SLC39A12: variants seen among roughly 807,000 people sequenced by gnomAD.
SLC39A12 encodes solute carrier family 39 member 12, also known as zinc transporter ZIP12.
In SLC39A12, 63 loss-of-function variants were observed where a neutral mutation model predicts 71.1. That is an observed-to-expected ratio of 0.89 (90% CI 0.72 to 1.09). The LOEUF is 1.09. Ranked by LOEUF, SLC39A12 falls within the 50% of genes least tolerant of loss-of-function variation. The pLI is 0.00. For synonymous variants in SLC39A12, 351 were observed against 301.3 expected, an observed-to-expected ratio of 1.16 and a Z score of -1.71; for missense variants, 892 against 812.6, an observed-to-expected ratio of 1.10 and a Z score of -1.19.
chr10:18,023,893 C>T (rs1311733627), intron 12 of SLC39A12, among the ~76,000 whole-genome samples: 1 of 152,142 alleles, frequency 6.6e-6, no homozygotes, highest in Non-Finnish European at 1.5e-5. Context: ...TGAGGAGTAG[C>T]AGGGACAGGG....
At chr10:17,983,381 G>T (rs1016194546) in intron 6 of SLC39A12, among the ~76,000 whole-genome samples, 1 of 151,918 alleles carries the variant, frequency 6.6e-6, no homozygotes, top group Non-Finnish European at 1.5e-5. Flanking sequence ...TCAGATACTT[G>T]GGGGGCTGAG....
chr10:18,034,191 A>G (rs953661295), intron 12 of SLC39A12, among the ~76,000 whole-genome samples: 4 of 151,910 alleles, frequency 2.6e-5, no homozygotes, highest in African/African-American at 9.7e-5. Context: ...GCTGAGTTCA[A>G]TTCCTGGGTA....
chr10:17,962,601 A>G (rs576032923), intron 3 of SLC39A12, among the ~76,000 whole-genome samples: 1 of 151,662 alleles, frequency 6.6e-6, no homozygotes, highest in South Asian at 2.1e-4. Context: ...CATTTTGAAG[A>G]GTATGGGGAA....
intron 3 of SLC39A12, among the ~76,000 whole-genome samples, chr10:17,963,172 A>C (rs2130781572): frequency 6.6e-6 from 1 of 152,180 alleles, no homozygotes; most frequent in South Asian, 2.1e-4. Flanking sequence ...AAAAGAAGAA[A>C]AGCAGGAAAA....
At chr10:18,019,358 A>C (rs576211748) in intron 12 of SLC39A12, among the ~76,000 whole-genome samples, 2 of 151,858 alleles carry the variant, frequency 1.3e-5, no homozygotes, top group Non-Finnish European at 2.9e-5. Flanking sequence ...GCTTTGTCGA[A>C]TTTCTGTATT....
At chr10:17,967,797 G>A (rs891383051) in intron 4 of SLC39A12, among the ~76,000 whole-genome samples, 1 of 150,924 alleles carries the variant, frequency 6.6e-6, no homozygotes, top group Non-Finnish European at 1.5e-5. Context: ...TGAGGCAGGA[G>A]AATGGTGTGA....
intron 4 of SLC39A12, 118 bp from the exon 5 acceptor site, chr10:17,977,784 G>A (rs1203267711): frequency 3.9e-6 from 3 of 764,346 alleles, no homozygotes; most frequent in East Asian, 5.9e-5. Context: ...CATCTCTAGG[G>A]CTTAAAAAAT....
At chr10:17,987,914 C>A (rs1226760741) in intron 7 of SLC39A12, among the ~76,000 whole-genome samples, 1 of 152,176 alleles carries the variant, frequency 6.6e-6, no homozygotes, top group Non-Finnish European at 1.5e-5. Flanking sequence ...TGGCTCACAC[C>A]TGTAATCCCA....
At chr10:18,000,339 G>T (rs1316812507) in intron 10 of SLC39A12, among the ~76,000 whole-genome samples, 3 of 152,144 alleles carry the variant, frequency 2.0e-5, no homozygotes, top group Non-Finnish European at 4.4e-5. Context: ...AAGACAGACG[G>T]GAAGGTCATC....
chr10:17,980,634 A>G (rs760697003), intron 5 of SLC39A12, among the ~76,000 whole-genome samples: 1 of 152,124 alleles, frequency 6.6e-6, no homozygotes, highest in Non-Finnish European at 1.5e-5. Flanking sequence ...CTTCTCTCTC[A>G]TAAATATGCC....
chr10:18,021,360 A>T (rs1836527677), intron 12 of SLC39A12, among the ~76,000 whole-genome samples: 1 of 151,946 alleles, frequency 6.6e-6, no homozygotes, highest in Non-Finnish European at 1.5e-5. Context: ...TTTTATCATT[A>T]TGTAATGCCC....
At chr10:18,011,169 A>C (rs961537199) in intron 12 of SLC39A12, among the ~76,000 whole-genome samples, 20 of 151,958 alleles carry the variant, frequency 1.3e-4, no homozygotes, top group Non-Finnish European at 2.9e-4. Context: ...AACTTACTGC[A>C]GCCTCTGCCT....
intron 4 of SLC39A12, among the ~76,000 whole-genome samples, chr10:17,966,006 G>T (rs1589221894): frequency 6.6e-6 from 1 of 152,144 alleles, no homozygotes; most frequent in East Asian, 1.9e-4. Flanking sequence ...CATAATGCTG[G>T]GCCAGGCCTA....
chr10:17,981,432 T>A lies in SLC39A12; in HGVS notation c.1045T>A (p.Cys349Ser). Residue 349 changes from cysteine to serine, a missense_variant, in exon 6 of 13, where the codon TGC becomes AGC. Transcript: ENST00000377369. ...GIIQQLLSCSCHLPKDQQAKL... is the reference protein window; with the variant it reads ...GIIQQLLSCSSHLPKDQQAKL... Reference sequence around the variant, plus strand: ...CATCCAGCAGCTCCTCAGCTGCTCCTGCCACTTACCCAAGGACCAACAAGC... The same window carrying A: ...CATCCAGCAGCTCCTCAGCTGCTCCAGCCACTTACCCAAGGACCAACAAGC... 1.2e-6 allele frequency: 2 copies of A among 1,614,002 alleles called. No individual in the cohort carries two copies. The highest frequency in any genetic ancestry group is 1.7e-6 in the Non-Finnish European group (2 of 1,179,902).
chr10:18,036,069 T>C (rs1046654351), intron 12 of SLC39A12, among the ~76,000 whole-genome samples: 18 of 152,348 alleles, frequency 1.2e-4, no homozygotes, highest in African/African-American at 3.6e-4. Context: ...GGCAGGGACA[T>C]TTAAGTCTGC....
At chr10:17,983,853 G>C (rs1835335400) in intron 6 of SLC39A12, among the ~76,000 whole-genome samples, 1 of 152,092 alleles carries the variant, frequency 6.6e-6, no homozygotes, top group Non-Finnish European at 1.5e-5. Context: ...TATGTGAATA[G>C]GGAAAAGCTT....
intron 12 of SLC39A12, among the ~76,000 whole-genome samples, chr10:18,028,528 T>C (rs1000790495): frequency 6.6e-6 from 1 of 151,704 alleles, no homozygotes; most frequent in South Asian, 2.1e-4. Flanking sequence ...TTCCAGAGGA[T>C]GTTTTGTGGA....
intron 11 of SLC39A12, 103 bp downstream of exon 11, chr10:18,000,928 G>T: frequency 9.3e-7 from 1 of 1,076,986 alleles, no homozygotes; most frequent in Non-Finnish European, 1.3e-6. Context: ...ATGACTTAAA[G>T]ATGAATACTT....
chr10:17,999,294 C>CAAAAAAAAAAAAAAAAAAAAAAAAAAAAA lies in SLC39A12; in HGVS notation c.1601-1349_1601-1348insAAAAAAAAAAAAAAAAAAAAAAAAAAAAA. ...TGGGCAACAAAGCAGGACTCCATCT[C>CAAAAAAAAAAAAAAAAAAAAAAAAAAAAA]AAAAAAAAAAAAAAAAAAAAAAAAG... On this transcript the variant is annotated intron_variant, in intron 10 of 12. Transcript: ENST00000377369. Among the ~76,000 whole-genome samples the CAAAAAAAAAAAAAAAAAAAAAAAAAAAAA allele has an allele frequency of 2.8e-5, 2 of 70,374 alleles. 1 individual carries two copies. Among genetic ancestry groups the CAAAAAAAAAAAAAAAAAAAAAAAAAAAAA allele is most frequent in the Non-Finnish European group, 4.7e-5 (2 of 42,746 alleles). 46.2% of individuals were successfully genotyped at this position (70,374 alleles called of 152,430 possible).
Sources: gnomAD v4.1 joint callset for allele counts (sites outside exome capture counted in the v4.1 genomes callset) on GRCh38, gnomAD v4.1.1 for gene constraint, MANE v1.5 for transcripts, NCBI Gene and HGNC (gene_info 2026-07-23, HGNC 2026-07-21) for gene names.